Variants in ADAMTSL1 observed in about 807,000 individuals in gnomAD.
The protein encoded by ADAMTSL1 is ADAMTS like 1, also known as ADAMTS-like protein 1.
A neutral mutation model predicts 201.8 loss-of-function variants in ADAMTSL1; 126 were observed. The ratio of observed to expected loss-of-function variants is 0.62; its 90% CI spans 0.54 to 0.72. ADAMTSL1 has a LOEUF of 0.72. ADAMTSL1 is among the 30% of genes least tolerant of loss of function. The probability of loss-of-function intolerance (pLI) is 0.00; values close to 1 mark genes in which losing one functional copy is unlikely to be tolerated. For missense variants in ADAMTSL1, 2,679 were observed against 2,277.8 expected (o/e 1.18, Z -3.59); for synonymous variants, 1,121 against 903.4 (o/e 1.24, Z -4.32).
intron 23 of ADAMTSL1, among the ~76,000 whole-genome samples, chr9:18,830,940 C>T (rs1386199613): frequency 2.0e-5 from 3 of 152,142 alleles, no homozygotes; most frequent in Non-Finnish European, 4.4e-5. Flanking sequence ...TCCTGTGGCT[C>T]AAAGTTTAAA....
At chr9:18,785,657 A>G (rs1344151860) in intron 19 of ADAMTSL1, among the ~76,000 whole-genome samples, 1 of 152,236 alleles carries the variant, frequency 6.6e-6, no homozygotes, top group Non-Finnish European at 1.5e-5. Context: ...GGCAAAAGCT[A>G]ACTCCAGTCT....
intron 13 of ADAMTSL1, among the ~76,000 whole-genome samples, chr9:18,696,011 G>A (rs1418587141): frequency 6.6e-6 from 1 of 152,196 alleles, no homozygotes; most frequent in Non-Finnish European, 1.5e-5. Flanking sequence ...GAAGGAGGAA[G>A]AGGGCAAAGG....
chr9:18,293,353 A>C (rs1295473318), intron 2 of ADAMTSL1, among the ~76,000 whole-genome samples: 1 of 152,250 alleles, frequency 6.6e-6, no homozygotes, highest in Admixed American at 6.5e-5. Flanking sequence ...GCTGCCAGCT[A>C]CATTTGGTCC....
At chr9:18,498,509 T>A (rs1253333467) in intron 1 of ADAMTSL1, among the ~76,000 whole-genome samples, 1 of 152,106 alleles carries the variant, frequency 6.6e-6, no homozygotes, top group Non-Finnish European at 1.5e-5. Flanking sequence ...GCTAATTTTT[T>A]GTGTTTGTAG....
At chr9:18,477,851 C>T (rs1414145149) in intron 1 of ADAMTSL1, among the ~76,000 whole-genome samples, 2 of 152,132 alleles carry the variant, frequency 1.3e-5, no homozygotes, top group Non-Finnish European at 2.9e-5. Flanking sequence ...TTATTATTTT[C>T]ACATAACACC....
chr9:18,248,324 G>A (rs1439212794), intron 2 of ADAMTSL1, among the ~76,000 whole-genome samples: 2 of 152,158 alleles, frequency 1.3e-5, no homozygotes, highest in South Asian at 2.1e-4. Context: ...AAAGATGCTG[G>A]ACTGTGGATT....
chr9:18,625,141 G>A (rs577330180), intron 5 of ADAMTSL1, among the ~76,000 whole-genome samples: 1 of 152,306 alleles, frequency 6.6e-6, no homozygotes, highest in African/African-American at 2.4e-5. Flanking sequence ...CTCCACACCT[G>A]GAGGAGTCCT....
chr9:18,595,610 C>G (rs1036578853), intron 4 of ADAMTSL1, among the ~76,000 whole-genome samples: 2 of 152,216 alleles, frequency 1.3e-5, no homozygotes, highest in African/African-American at 4.8e-5. Flanking sequence ...GACGTATGGA[C>G]AAGTCTCCCT....
At chr9:18,869,598 G>A (rs1038328516) in intron 23 of ADAMTSL1, among the ~76,000 whole-genome samples, 4 of 152,146 alleles carry the variant, frequency 2.6e-5, no homozygotes, top group Non-Finnish European at 5.9e-5. Context: ...AAAATTCCGG[G>A]TTCACCAGTT....
rs1833091261 is a variant in ADAMTSL1, at chr9:18,718,260, A to G, written c.1877-3276A>G. ...TTCTCTCAAGTCTTGCAAATCATTAAATGTGGACTGTGCTTTGATGGAATA... is the reference window on the plus strand; with the variant it reads ...TTCTCTCAAGTCTTGCAAATCATTAGATGTGGACTGTGCTTTGATGGAATA... On this transcript the variant is annotated intron_variant, in intron 14 of 28. Coordinates refer to ENST00000380548, the MANE Select transcript of ADAMTSL1 (RefSeq NM_001040272.6). 5.3e-6 allele frequency: 4 copies of G among 758,864 alleles called. No homozygotes were observed. The African/African-American group carries it at 6.8e-5, about 13-fold the overall frequency. The allele number at this position is 758,864 out of a possible 1,614,324, so 47.0% of individuals were successfully genotyped here.
chr9:18,156,418 A>G lies in ADAMTSL1; in HGVS notation c.88-7444A>G, dbSNP rs912600956. 2.0e-5 allele frequency among the ~76,000 whole-genome samples: 3 copies of G among 152,008 alleles called. No homozygotes were observed. In the East Asian group the frequency reaches 5.8e-4, roughly 30 times the overall value. ...AACTCCTAAGCAACTCACTTTAGAT[A>G]AGCCTAGATAATGATGTTGACCAAT... On this transcript the variant is annotated intron_variant, in intron 1 of 29. Transcript: ENST00000680146.
intron 1 of ADAMTSL1, among the ~76,000 whole-genome samples, chr9:18,115,444 A>C (rs1825210607): frequency 6.6e-6 from 1 of 152,166 alleles, no homozygotes; most frequent in Non-Finnish European, 1.5e-5. Flanking sequence ...TAAAACTCAA[A>C]AATATTTAAC....
At chr9:18,257,620 G>C (rs34027350) in intron 2 of ADAMTSL1, among the ~76,000 whole-genome samples, 15,414 of 152,142 alleles carry the variant, frequency 0.1, 829 homozygotes, top group Middle Eastern at 0.15. Flanking sequence ...AAACAGTTGA[G>C]CAGCTTCTCA....
chr9:18,650,356 T>A (rs1296017578), intron 7 of ADAMTSL1, among the ~76,000 whole-genome samples: 1 of 152,216 alleles, frequency 6.6e-6, no homozygotes, highest in African/African-American at 2.4e-5. Flanking sequence ...AGTGAGGCAA[T>A]GCCTCGCCCT....
intron 5 of ADAMTSL1, among the ~76,000 whole-genome samples, chr9:18,633,902 C>G (rs1826939771): frequency 6.8e-6 from 1 of 146,168 alleles, no homozygotes; most frequent in African/African-American, 2.5e-5. Flanking sequence ...AGTTGAAACA[C>G]TATTTAAAAA....
At chr9:18,460,387 T>A (rs1283143549) in intron 2 of ADAMTSL1, among the ~76,000 whole-genome samples, 1 of 152,162 alleles carries the variant, frequency 6.6e-6, no homozygotes, top group Non-Finnish European at 1.5e-5. Flanking sequence ...AACAGCCAGG[T>A]CCTTTTCAAT....
chr9:18,862,923 CT>C (rs1313349529), intron 23 of ADAMTSL1, among the ~76,000 whole-genome samples: 3 of 152,138 alleles, frequency 2.0e-5, no homozygotes, highest in Non-Finnish European at 2.9e-5. Flanking sequence ...TGCCAAGAGC[CT>C]ACTGGCAGAG....
intron 21 of ADAMTSL1, among the ~76,000 whole-genome samples, chr9:18,825,954 GC>G (rs935452267): frequency 1.3e-5 from 2 of 152,040 alleles, no homozygotes; most frequent in African/African-American, 2.4e-5. Context: ...ACCTTGGCAA[GC>G]CCCCCCTGCC....
chr9:17,985,980 T>C (rs1286995192), intron 1 of ADAMTSL1, among the ~76,000 whole-genome samples: 1 of 152,116 alleles, frequency 6.6e-6, no homozygotes, highest in East Asian at 1.9e-4. Context: ...ACATGATGAA[T>C]GGTCAAGAAA....
Sources: allele counts gnomAD v4.1 joint callset (sites outside exome capture counted in the v4.1 genomes callset), GRCh38; gene constraint gnomAD v4.1.1; transcripts MANE v1.5; gene names NCBI Gene and HGNC (gene_info 2026-07-23, HGNC 2026-07-21).